PRR14: variants seen among roughly 807,000 people sequenced by gnomAD.
PRR14 encodes proline rich 14.
PRR14 carries 33 observed loss-of-function variants against 57.2 expected under a neutral mutation model. The ratio of observed to expected loss-of-function variants is 0.58; its 90% CI spans 0.44 to 0.77. The LOEUF is 0.77. Among genes scored for constraint, PRR14 ranks in the 30% least tolerant of loss-of-function variants. PRR14 has a pLI of 0.00. For synonymous variants in PRR14, 303 were observed against 314.7 expected (o/e 0.96, Z 0.39); for missense variants, 716 against 788.1 (o/e 0.91, Z 1.10).
Position 30,656,364 on chromosome 16 carries a change from G to GT in PRR14, c.*55dup. ...GAAGGGACAGGAAACCTCCCAGGCA[G>GT]TTATTTTTTTTTCTCTATATTTCTA... On this transcript the variant is annotated 3_prime_UTR_variant, in exon 12 of 12. Transcript: ENST00000300835. 5 of 1,508,830 alleles carry GT rather than the reference G, an allele frequency of 3.3e-6. No individual in the cohort carries two copies. In the South Asian group the frequency reaches 5.0e-5, roughly 15 times the overall value. The allele number at this position is 1,508,830 out of a possible 1,614,324, so 93.5% of individuals were successfully genotyped here.
At position 30,655,934 on chromosome 16, in the gene PRR14, C is replaced by G; in HGVS notation, c.1473C>G (p.Thr491=). ...YTNKNYQSPT[T]RRTFETIFEE... ...ACAAGAATTACCAATCACCCACAAC[C>G]AGGAGGTGAGACACTTGGAAGGCTA... Residue 491 remains threonine, a synonymous_variant, in exon 11 of 12, where the codon ACC becomes ACG. Coordinates refer to ENST00000300835, the MANE Select transcript of PRR14 (RefSeq NM_024031.5). This position sits in a 1 kb window ranked among gnomAD's most constrained non-coding sequence, Gnocchi z 4.6. The G allele has an allele frequency of 6.2e-7, 1 of 1,613,992 alleles. No homozygotes were observed. Among genetic ancestry groups the G allele is most frequent in the Non-Finnish European group, 8.5e-7 (1 of 1,179,858 alleles).
Position 30,656,367 on chromosome 16 carries a change from ATT to A in PRR14, c.*64_*65del. 6.8e-7 allele frequency: 1 copy of A among 1,473,186 alleles called. No individual in the cohort carries two copies. The highest frequency in any genetic ancestry group is 9.1e-7 in the Non-Finnish European group (1 of 1,102,174). 91.3% of individuals were successfully genotyped at this position (1,473,186 alleles called of 1,614,324 possible). On this transcript the variant is annotated 3_prime_UTR_variant, in exon 12 of 12. Transcript: ENST00000300835. ...GGGACAGGAAACCTCCCAGGCAGTT[ATT>A]TTTTTTTCTCTATATTTCTAGTAAA...
chr16:30,651,654 G>C lies in PRR14; in HGVS notation c.9G>C (p.Leu3Phe), dbSNP rs2052313437. 1.3e-6 allele frequency: 2 copies of C among 1,599,276 alleles called. No homozygotes were observed. Among genetic ancestry groups the C allele is most frequent in the South Asian group, 1.1e-5 (1 of 90,840 alleles). Residue 3 changes from leucine to phenylalanine, a missense_variant, in exon 2 of 12, where the codon TTG becomes TTC. By Grantham distance (22) the Leu-to-Phe change is conservative (BLOSUM62 0). Coordinates refer to ENST00000300835, the MANE Select transcript of PRR14 (RefSeq NM_024031.5). The surrounding 1 kb of genome is among the most constrained non-coding windows in gnomAD (Gnocchi z 5.0). MD[L>F]PGDSSPPGQP... is the part of the protein sequence containing the mutation. ...GAGCCGCCGCGTCTCCCATGGACTT[G>C]CCCGGGGACTCCAGGTGAGAGCGTA...
chr16:30,654,799 T>TCC lies in PRR14; in HGVS notation c.835_836dup (p.Met280GlnfsTer2). Reference sequence around the variant, plus strand: ...CAAAACCCCACAGCCCCCACCCCCGTCCCCCCCAATGAAGCTGGAGTTGAA... The same window carrying TCC: ...CAAAACCCCACAGCCCCCACCCCCGTCCCCCCCCCAATGAAGCTGGAGTTGAA... On this transcript the variant is annotated frameshift_variant, in exon 8 of 12. Transcript: ENST00000300835. LOFTEE classifies it high-confidence loss of function. The TCC allele has an allele frequency of 1.1e-5, 5 of 450,300 alleles. No homozygotes were observed. Among genetic ancestry groups the TCC allele is most frequent in the Non-Finnish European group, 1.8e-5 (5 of 284,282 alleles). 27.9% of individuals were successfully genotyped at this position (450,300 alleles called of 1,614,324 possible).
rs780409182 is a variant in PRR14 at position 30,655,435 on chromosome 16, C to T, written c.1314+15C>T. ...CTGAGACCAAGGTAGGCATTCAGAT[C>T]GGGTAGAAGAGACTAGTGGGGGCCT... On this transcript the variant is annotated intron_variant, in intron 9 of 11. Transcript: ENST00000300835. The surrounding 1 kb of genome is among the most constrained non-coding windows in gnomAD (Gnocchi z 4.6). 5 of 1,614,032 alleles carry T rather than the reference C, an allele frequency of 3.1e-6. No individual in the cohort carries two copies. In the South Asian group the frequency reaches 3.3e-5, roughly 11 times the overall value.
rs754080375 is a variant in PRR14 at position 30,653,325 on chromosome 16, C to T, written c.505-40C>T. ...GTCAGGATGTGGGGCACTAAGGGGG[C>T]TTTCCTGCCTCCCCACAAACATCCC... On this transcript the variant is annotated intron_variant, in intron 5 of 11. Coordinates refer to ENST00000300835, the MANE Select transcript of PRR14 (RefSeq NM_024031.5). 10 of 1,607,418 alleles carry T rather than the reference C, an allele frequency of 6.2e-6. No homozygotes were observed. The African/African-American group carries it at 1.2e-4, about 19-fold the overall frequency.
intron 4 of PRR14, 25 bp downstream of exon 4, chr16:30,652,867 G>A (rs1321258254): frequency 6.2e-7 from 1 of 1,614,052 alleles, no homozygotes; most frequent in Admixed American, 1.7e-5. Flanking sequence ...ATGGGGGTAA[G>A]CCGAGGGCCC....
chr16:30,654,376 G>A (rs1003610894), intron 7 of PRR14, 37 bp downstream of exon 7: 17 of 1,516,690 alleles, frequency 1.1e-5, no homozygotes, highest in Non-Finnish European at 1.6e-5. Flanking sequence ...AGACTTGGGT[G>A]TCTGGGACAT....
In PRR14 at chr16:30,652,736, T is replaced by C. The variant is rs1232382192; in HGVS notation, c.208T>C (p.Ser70Pro). ...TCTCTTCCAGGTCCCCGTGGTGCCC[T>C]CAAAGCAGACCTCCATACCACAGCA... ...MAVHMVPVVP[S>P]KQTSIPQHHS... Residue 70 changes from serine to proline, a missense_variant, in exon 4 of 12, where the codon TCA (serine) becomes CCA (proline). Ser to Pro is a moderately conservative substitution (Grantham distance 74). Transcript: ENST00000300835. The C allele has an allele frequency of 4.6e-5, 75 of 1,614,148 alleles. No homozygotes were observed. The highest frequency in any genetic ancestry group is 6.3e-5 in the Non-Finnish European group (74 of 1,180,034).
In PRR14 at chr16:30,651,580, T is replaced by TC. The variant is rs1449873985; in HGVS notation, c.-50-10dup. On this transcript the variant is annotated splice_polypyrimidine_tract_variant and intron_variant, in intron 1 of 11. Transcript: ENST00000300835. This position sits in a 1 kb window ranked among gnomAD's most constrained non-coding sequence, Gnocchi z 5.0. ...CGGCCCTCACCCCCCGCTCCCCCGCTCCCCCCTTACCCCAGGCCGCAGCCT... is the reference window on the plus strand; with the variant it reads ...CGGCCCTCACCCCCCGCTCCCCCGCTCCCCCCCTTACCCCAGGCCGCAGCCT... 1.2e-5 allele frequency: 4 copies of TC among 337,240 alleles called. No homozygotes were observed. Among genetic ancestry groups the TC allele is most frequent in the Admixed American group, 5.1e-5 (1 of 19,446 alleles). The allele number at this position is 337,240 out of a possible 1,614,324, so 20.9% of individuals were successfully genotyped here. A position where few individuals can be genotyped will look rare whatever the true frequency, so the allele number is the denominator to read the frequency against.
At chr16:30,652,038 AC>A in intron 3 of PRR14, 74 bp downstream of exon 3, 1 of 1,425,966 alleles carries the variant, frequency 7.0e-7, no homozygotes, top group East Asian at 2.3e-5. Flanking sequence ...CCAGATCCCT[AC>A]TGAGGATAAC....
At chr16:30,652,085 C>T (rs2052319434) in intron 3 of PRR14, 121 bp downstream of exon 3, 2 of 1,122,642 alleles carry the variant, frequency 1.8e-6, no homozygotes, top group Non-Finnish European at 2.5e-6. Context: ...ACTCAGCCCT[C>T]AGGCAGCCTC....
In PRR14 at chr16:30,652,778, G is replaced by T. The variant is rs1433134729; in HGVS notation, c.250G>T (p.Asp84Tyr). ...ACCACAGCACCACAGCTACCATCAG[G>T]ATCCTGTCCACAGGCAGCCGCCTGC... ...SIPQHHSYHQDPVHRQPPASP... is the reference protein window; with the variant it reads ...SIPQHHSYHQYPVHRQPPASP... Residue 84 changes from aspartate (D) to tyrosine (Y), a missense_variant, in exon 4 of 12, where the codon GAT becomes TAT. By Grantham distance (160) the Asp-to-Tyr change is radical. Transcript: ENST00000300835. 1 of 1,614,224 alleles carries T rather than the reference G, an allele frequency of 6.2e-7. No individual in the cohort carries two copies. Among genetic ancestry groups the T allele is most frequent in the South Asian group, 1.1e-5 (1 of 91,092 alleles).
chr16:30,654,797 C>CCG lies in PRR14; in HGVS notation c.827_828insCG (p.Ser277GlyfsTer5). 5.6e-6 allele frequency: 9 copies of CCG among 1,592,980 alleles called. No homozygotes were observed. Among genetic ancestry groups the CCG allele is most frequent in the Non-Finnish European group, 7.7e-6 (9 of 1,165,880 alleles). On this transcript the variant is annotated frameshift_variant, in exon 8 of 12. Coordinates refer to ENST00000300835, the MANE Select transcript of PRR14 (RefSeq NM_024031.5). LOFTEE classifies it high-confidence loss of function. ...AACAAAACCCCACAGCCCCCACCCC[C>CCG]GTCCCCCCCAATGAAGCTGGAGTTG...
chr16:30,654,368 ACTTGGGTGTCTGGGACATCCTAGTTGAG>A, intron 7 of PRR14, 29 bp downstream of exon 7: 1 of 1,558,412 alleles, frequency 6.4e-7, no homozygotes, highest in African/African-American at 1.4e-5. Flanking sequence ...ATCGGATGAG[ACTTGGGTGTCTGGGACATCCTAGTTGAG>A]CTTGGAAGTG....
intron 5 of PRR14, 112 bp downstream of exon 5, chr16:30,653,215 T>C: frequency 7.3e-7 from 1 of 1,369,642 alleles, no homozygotes; most frequent in Non-Finnish European, 1.0e-6. Flanking sequence ...GAGGATGGCA[T>C]TTTAGGCGGC....
chr16:30,655,255 C>A lies in PRR14; in HGVS notation c.1244+41C>A. 1 of 1,596,512 alleles carries A rather than the reference C, an allele frequency of 6.3e-7. No individual in the cohort carries two copies. Among genetic ancestry groups the A allele is most frequent in the South Asian group, 1.1e-5 (1 of 89,930 alleles). Reference sequence around the variant, plus strand: ...AACCCCCTTGAAGCCTGGCTGCAGCCTGGTCCCAGCCTCCTTCCCTGAGTA... The same window carrying A: ...AACCCCCTTGAAGCCTGGCTGCAGCATGGTCCCAGCCTCCTTCCCTGAGTA... On this transcript the variant is annotated intron_variant, in intron 8 of 11. Transcript: ENST00000300835. The surrounding 1 kb of genome is among the most constrained non-coding windows in gnomAD (Gnocchi z 4.6).
At chr16:30,652,298 C>G (rs777527795) in intron 3 of PRR14, 17 of 573,712 alleles carry the variant, frequency 3.0e-5, no homozygotes. Context: ...TGGCATCAAG[C>G]GATCTTCCCA....
At chr16:30,652,879 G>C in intron 4 of PRR14, 35 bp from the exon 5 acceptor site, 1 of 1,613,994 alleles carries the variant, frequency 6.2e-7, no homozygotes. Flanking sequence ...CGAGGGCCCA[G>C]CTGAGCCATT....
Sources: gnomAD v4.1 joint callset for allele counts on GRCh38, gnomAD v4.1.1 for gene constraint, Gnocchi (gnomAD v3.1) non-coding constraint, MANE v1.5 for transcripts, NCBI Gene and HGNC (gene_info 2026-07-23, HGNC 2026-07-21) for gene names.